Variants in COBL observed in about 807,000 individuals in gnomAD.
The protein encoded by COBL is cordon-bleu WH2 repeat protein, also known as protein cordon-bleu.
Under a neutral mutation model 98.8 loss-of-function variants are expected in COBL, and 51 were observed. The ratio of observed to expected loss-of-function variants is 0.52; its 90% confidence interval spans 0.41 to 0.65. COBL has a LOEUF of 0.65. Ranked by LOEUF, COBL falls within the 30% of genes least tolerant of loss-of-function variation. COBL has a pLI of 0.00. For synonymous variants in COBL, 634 were observed against 651.7 expected (o/e 0.97, Z 0.41); for missense variants, 1,617 against 1,617.5 (o/e 1.00, Z 0.01).
chr7:51,051,769 C>T (rs183695168), intron 7 of COBL, among the ~76,000 whole-genome samples: 16 of 152,326 alleles, frequency 1.1e-4, no homozygotes, highest in Admixed American at 2.6e-4. Context: ...CAGAGACGGA[C>T]GCTTGCATTC....
At chr7:51,102,774 T>A (rs1795918807) in intron 6 of COBL, among the ~76,000 whole-genome samples, 2 of 152,208 alleles carry the variant, frequency 1.3e-5, no homozygotes, top group Non-Finnish European at 2.9e-5. Context: ...TTCATTCACA[T>A]GTGGGTCTCC....
chr7:51,227,074 AG>A (rs1248983897), intron 1 of COBL, among the ~76,000 whole-genome samples: 1 of 152,162 alleles, frequency 6.6e-6, no homozygotes, highest in Admixed American at 6.5e-5. Flanking sequence ...GACTGATGCT[AG>A]GATGTTTGGA....
chr7:51,242,082 T>C (rs1795840969), intron 1 of COBL, among the ~76,000 whole-genome samples: 1 of 152,208 alleles, frequency 6.6e-6, no homozygotes, highest in Non-Finnish European at 1.5e-5. Context: ...CAAGTCTTCA[T>C]TTGCGTAAGA....
chr7:51,276,128 T>C (rs893720263), intron 1 of COBL, among the ~76,000 whole-genome samples: 3 of 152,202 alleles, frequency 2.0e-5, no homozygotes, highest in African/African-American at 7.2e-5. Flanking sequence ...CTGTTTACAA[T>C]AACACAGGAA....
At position 51,025,255 on chromosome 7, in the gene COBL, G is replaced by A. The variant is rs766033325; in HGVS notation, c.3622C>T (p.Pro1208Ser). Reference sequence around the variant, plus strand: ...GCCTGGGAGGGTGGAGGGGGTGGTGGGGGAATGGCTGGTGGGGACAGAAGA... The same window carrying A: ...GCCTGGGAGGGTGGAGGGGGTGGTGAGGGAATGGCTGGTGGGGACAGAAGA... ...LGLLSPPAIP[P>S]PPPPPSQALS... The change falls in exon 12 of 13, where the codon CCA becomes TCA. Residue 1208 changes from proline to serine, a missense_variant. By Grantham distance (74) the Pro-to-Ser change is moderately conservative (BLOSUM62 -1). Transcript: ENST00000265136. 6 of 1,609,140 alleles carry A rather than the reference G, an allele frequency of 3.7e-6. No individual in the cohort carries two copies. The highest frequency in any genetic ancestry group is 2.7e-5 in the African/African-American group (2 of 74,724).
intron 5 of COBL, among the ~76,000 whole-genome samples, chr7:51,139,060 T>G (rs1799502780): frequency 6.6e-6 from 1 of 152,178 alleles, no homozygotes; most frequent in Admixed American, 6.5e-5. Context: ...CATTTCATAT[T>G]GATTTCAGGT....
At chr7:51,077,886 G>T (rs1376538075) in intron 7 of COBL, among the ~76,000 whole-genome samples, 3 of 152,154 alleles carry the variant, frequency 2.0e-5, no homozygotes, top group Non-Finnish European at 2.9e-5. Context: ...TTGACTTTCA[G>T]ATGCTTGGCC....
chr7:51,255,187 T>G (rs1445897547), intron 1 of COBL, among the ~76,000 whole-genome samples: 4 of 152,174 alleles, frequency 2.6e-5, no homozygotes, highest in African/African-American at 9.6e-5. Context: ...AAATACATGA[T>G]GCAATTAAGA....
chr7:51,122,316 T>C lies in COBL; in HGVS notation c.957+13842A>G, dbSNP rs1173489110. On this transcript the variant is annotated intron_variant, in intron 6 of 12. Coordinates refer to ENST00000265136, the MANE Select transcript of COBL (RefSeq NM_015198.5). ...CCAAGGAGGATCCTTGCAGCCTGGC[T>C]GTTTTCACAGGCTCTGCAGTGGGAG... Among the ~76,000 whole-genome samples, 3 of 152,200 alleles carry C rather than the reference T, an allele frequency of 2.0e-5. No individual in the cohort carries two copies. In the East Asian group the frequency reaches 5.8e-4, roughly 29 times the overall value.
intron 1 of COBL, among the ~76,000 whole-genome samples, chr7:51,274,047 G>A (rs1418477734): frequency 2.6e-5 from 4 of 152,058 alleles, no homozygotes; most frequent in East Asian, 3.9e-4. Flanking sequence ...ACAGGACATC[G>A]TAGCCTCGAA....
rs115222605 is a variant in COBL at position 51,277,998 on chromosome 7, G to A, written c.41+38595C>T. On this transcript the variant is annotated intron_variant, in intron 1 of 12. Coordinates refer to ENST00000265136, the MANE Select transcript of COBL (RefSeq NM_015198.5). ...TTACTGATCTCTTCTCTGTGCCTGCGTGAAGTACAGCAGAGAGACACAACA... is the reference window on the plus strand; with the variant it reads ...TTACTGATCTCTTCTCTGTGCCTGCATGAAGTACAGCAGAGAGACACAACA... 3.2e-3 allele frequency among the ~76,000 whole-genome samples: 489 copies of A among 152,280 alleles called. 4 individuals are homozygous for A. Among genetic ancestry groups the A allele is most frequent in the African/African-American group, 0.011 (465 of 41,550 alleles).
intron 9 of COBL, 114 bp from the exon 10 acceptor site, chr7:51,029,705 C>G (rs945468464): frequency 1.2e-6 from 1 of 855,460 alleles, no homozygotes; most frequent in African/African-American, 1.7e-5. Flanking sequence ...TATTTATATA[C>G]GTTTTAAAAT....
intron 6 of COBL, among the ~76,000 whole-genome samples, chr7:51,129,089 G>T (rs528491549): frequency 6.6e-6 from 1 of 152,142 alleles, no homozygotes; most frequent in Non-Finnish European, 1.5e-5. Context: ...CAATTCTTTC[G>T]CTATTTGCGC....
chr7:51,274,382 G>A (rs896238094), intron 1 of COBL, among the ~76,000 whole-genome samples: 6 of 152,234 alleles, frequency 3.9e-5, no homozygotes, highest in African/African-American at 1.4e-4. Flanking sequence ...TCCTGAGGCA[G>A]CTCTAGGTGA....
chr7:51,270,848 A>AAAC (rs61348085), intron 1 of COBL, among the ~76,000 whole-genome samples: 1 of 152,140 alleles, frequency 6.6e-6, no homozygotes, highest in African/African-American at 2.4e-5. Context: ...CCAAAAAAAA[A>AAAC]CAAGAAATCA....
chr7:51,085,913 A>G (rs1375569549), intron 6 of COBL, among the ~76,000 whole-genome samples: 2 of 152,200 alleles, frequency 1.3e-5, no homozygotes, highest in Non-Finnish European at 2.9e-5. Flanking sequence ...ATGGGACATT[A>G]GCCCCCAACC....
intron 5 of COBL, among the ~76,000 whole-genome samples, chr7:51,179,311 GC>G (rs1375153758): frequency 6.6e-6 from 1 of 151,870 alleles, no homozygotes; most frequent in African/African-American, 2.4e-5. Context: ...ATCTTGGCTC[GC>G]TGCAACCTTC....
At chr7:51,095,057 C>T (rs1795150844) in intron 6 of COBL, among the ~76,000 whole-genome samples, 1 of 152,122 alleles carries the variant, frequency 6.6e-6, no homozygotes, top group African/African-American at 2.4e-5. Context: ...TGTTCTCATG[C>T]TGCTAATTAA....
chr7:51,271,545 A>G (rs1234514303), intron 1 of COBL, among the ~76,000 whole-genome samples: 1 of 152,240 alleles, frequency 6.6e-6, no homozygotes, highest in Non-Finnish European at 1.5e-5. Flanking sequence ...CATGAGTCTC[A>G]TGAAACCTAC....
Sources: allele counts gnomAD v4.1 joint callset (sites outside exome capture counted in the v4.1 genomes callset), GRCh38; gene constraint gnomAD v4.1.1; transcripts MANE v1.5; gene names NCBI Gene and HGNC (gene_info 2026-07-23, HGNC 2026-07-21).